The following ENPP2 variants were observed in gnomAD, a reference collection of about 807,000 sequenced individuals.
ENPP2 encodes the protein ectonucleotide pyrophosphatase/phosphodiesterase 2.
Under a neutral mutation model 120.2 loss-of-function variants are expected in ENPP2, and 51 were observed. That is an observed-to-expected ratio of 0.42 (90% CI 0.34 to 0.54). The LOEUF is 0.54. Ranked by LOEUF, ENPP2 falls within the 20% of genes least tolerant of loss-of-function variation. The pLI is 0.04. For missense variants in ENPP2, 920 were observed against 1,066.5 expected, an observed-to-expected ratio of 0.86 and a Z score of 1.91; for synonymous variants, 365 against 366.4, an observed-to-expected ratio of 1.00 and a Z score of 0.04.
rs1815887205 is a variant in ENPP2 at position 119,621,441 on chromosome 8, C to A, written c.371G>T (p.Cys124Phe). 2 of 1,613,494 alleles carry A rather than the reference C, an allele frequency of 1.2e-6. No homozygotes were observed. The highest frequency in any genetic ancestry group is 1.7e-6 in the Non-Finnish European group (2 of 1,179,528). Residue 124 changes from cysteine (C) to phenylalanine (F), a missense_variant, in exon 4 of 25, where the codon TGC becomes TTC. By Grantham distance (205) the Cys-to-Phe change is radical (BLOSUM62 -2). Coordinates refer to ENST00000075322, the MANE Select transcript of ENPP2 (RefSeq NM_001040092.3). ...GGTACAGCAGTCTCCCCTGGCCAAG[C>A]AGTCCTCTGAGCAGTGACAGGCATT... ...EENACHCSED[C>F]LARGDCCTNY...
chr8:119,633,199 A>G (rs1327799918), intron 2 of ENPP2, among the ~76,000 whole-genome samples: 1 of 152,218 alleles, frequency 6.6e-6, no homozygotes, highest in African/African-American at 2.4e-5. Context: ...GCTCCCAATC[A>G]TATTTCCCTC....
chr8:119,582,318 A>AT (rs1812804086), intron 18 of ENPP2, 100 bp downstream of exon 18: 3 of 887,196 alleles, frequency 3.4e-6, no homozygotes, highest in Non-Finnish European at 5.3e-6. Flanking sequence ...TTTGGACAGC[A>AT]TAATTATAGA....
At chr8:119,566,441 G>A (rs1264215631) in intron 22 of ENPP2, among the ~76,000 whole-genome samples, 2 of 152,178 alleles carry the variant, frequency 1.3e-5, no homozygotes, top group Non-Finnish European at 2.9e-5. Context: ...CTGAAACTCT[G>A]AATGGCAGAG....
chr8:119,561,787 T>TTGTG (rs146680195), intron 24 of ENPP2, among the ~76,000 whole-genome samples: 2,347 of 149,118 alleles, frequency 0.016, 28 homozygotes, highest in Non-Finnish European at 0.02. Context: ...TGCTCTTGCT[T>TTGTG]TGTGTGTGTG....
intron 1 of ENPP2, among the ~76,000 whole-genome samples, chr8:119,662,761 CG>C (rs1817957784): frequency 6.6e-6 from 1 of 152,094 alleles, no homozygotes; most frequent in Non-Finnish European, 1.5e-5. Context: ...TGATTTTGAG[CG>C]TTGCAAGAGA....
In ENPP2 at chr8:119,615,111, G is replaced by C. The variant is rs1587485339; in HGVS notation, c.777+1154C>G. Among the ~76,000 whole-genome samples the C allele has an allele frequency of 3.9e-5, 6 of 151,904 alleles. 1 individual carries two copies. The highest frequency in any genetic ancestry group is 1.4e-4 in the African/African-American group (6 of 41,402). On this transcript the variant is annotated intron_variant, in intron 8 of 24. Coordinates refer to ENST00000075322, the MANE Select transcript of ENPP2 (RefSeq NM_001040092.3). ...AATTTCTATTTATAGTCCTTATTTT[G>C]TCCATAAATTGCAGCAAAAGATTTC...
chr8:119,566,641 C>T (rs956937139), intron 22 of ENPP2, among the ~76,000 whole-genome samples: 18 of 152,178 alleles, frequency 1.2e-4, no homozygotes, highest in African/African-American at 3.6e-4. Context: ...CCACCCCCCT[C>T]GTGGAGAACA....
chr8:119,671,277 G>A (rs1382423499), intron 1 of ENPP2, among the ~76,000 whole-genome samples: 1 of 152,054 alleles, frequency 6.6e-6, no homozygotes, highest in East Asian at 1.9e-4. Context: ...CTCCAGTCTG[G>A]GCAACAGAGC....
intron 12 of ENPP2, among the ~76,000 whole-genome samples, chr8:119,591,284 T>A (rs749964353): frequency 6.6e-6 from 1 of 152,154 alleles, no homozygotes; most frequent in African/African-American, 2.4e-5. Context: ...TTGTAAACAA[T>A]GTAATTAGTC....
intron 1 of ENPP2, among the ~76,000 whole-genome samples, chr8:119,657,804 G>A (rs894599031): frequency 1.3e-5 from 2 of 152,180 alleles, no homozygotes; most frequent in Non-Finnish European, 2.9e-5. Context: ...TGGCGTGAAG[G>A]GGTCATTGTG....
chr8:119,591,274 T>C (rs1314276342), intron 12 of ENPP2, among the ~76,000 whole-genome samples: 1 of 152,064 alleles, frequency 6.6e-6, no homozygotes, highest in Non-Finnish European at 1.5e-5. Flanking sequence ...TGAAAACAAG[T>C]TGTAAACAAT....
At chr8:119,599,330 T>C (rs1215009596) in intron 11 of ENPP2, among the ~76,000 whole-genome samples, 1 of 152,198 alleles carries the variant, frequency 6.6e-6, no homozygotes, top group Non-Finnish European at 1.5e-5. Flanking sequence ...TCAGAAACAC[T>C]TATGACTCCT....
intron 1 of ENPP2, among the ~76,000 whole-genome samples, chr8:119,646,730 G>A (rs1394835292): frequency 2.0e-5 from 3 of 152,172 alleles, no homozygotes; most frequent in Non-Finnish European, 4.4e-5. Context: ...GCCCAGCATA[G>A]AATAGTGTTC....
intron 2 of ENPP2, among the ~76,000 whole-genome samples, chr8:119,635,230 G>A (rs1363543091): frequency 6.6e-6 from 1 of 152,140 alleles, no homozygotes; most frequent in East Asian, 1.9e-4. Context: ...AGTTGTTAGT[G>A]ACAGTCTACA....
intron 1 of ENPP2, among the ~76,000 whole-genome samples, chr8:119,647,951 G>C (rs1252333718): frequency 6.6e-6 from 1 of 152,148 alleles, no homozygotes; most frequent in Non-Finnish European, 1.5e-5. Flanking sequence ...GTTGCAGTGA[G>C]CCAAGATCAT....
chr8:119,628,144 G>A (rs1427665648), intron 2 of ENPP2, among the ~76,000 whole-genome samples: 1 of 152,012 alleles, frequency 6.6e-6, no homozygotes, highest in Admixed American at 6.6e-5. Flanking sequence ...AATCAAAGTA[G>A]TCTGATACTA....
At chr8:119,588,528 CAAAAAAA>C (rs58771451) in intron 13 of ENPP2, among the ~76,000 whole-genome samples, 55 of 68,172 alleles carry the variant, frequency 8.1e-4, no homozygotes, top group Middle Eastern at 0.011. Flanking sequence ...AACTCCGCCT[CAAAAAAA>C]AAAAAAAAAA....
chr8:119,661,797 A>T (rs1817927941), intron 1 of ENPP2, among the ~76,000 whole-genome samples: 1 of 152,204 alleles, frequency 6.6e-6, no homozygotes, highest in Non-Finnish European at 1.5e-5. Flanking sequence ...GAATTGATAA[A>T]GAAAATGTGG....
At chr8:119,664,578 A>G (rs1321038501) in intron 1 of ENPP2, among the ~76,000 whole-genome samples, 2 of 152,234 alleles carry the variant, frequency 1.3e-5, no homozygotes, top group African/African-American at 4.8e-5. Flanking sequence ...AAACCATGCT[A>G]AGGACATTAT....
Sources: gnomAD v4.1 joint callset for allele counts (sites outside exome capture counted in the v4.1 genomes callset) on GRCh38, gnomAD v4.1.1 for gene constraint, MANE v1.5 for transcripts, NCBI Gene and HGNC (gene_info 2026-07-23, HGNC 2026-07-21) for gene names.